The following CLSTN2 variants were observed in gnomAD, a reference collection of about 807,000 sequenced individuals.
The protein encoded by CLSTN2 is calsyntenin 2, also known as calsyntenin-2.
CLSTN2 carries 48 observed loss-of-function variants against 101.2 expected under a neutral mutation model. The observed-to-expected ratio is 0.47, with a 90% CI of 0.38 to 0.60. The LOEUF is 0.60. Among genes scored for constraint, CLSTN2 ranks in the 20% least tolerant of loss-of-function variants. CLSTN2 has a pLI of 0.00. For missense variants in CLSTN2, 1,160 were observed against 1,238.2 expected, an observed-to-expected ratio of 0.94 and a Z score of 0.95; for synonymous variants, 481 against 463.6, an observed-to-expected ratio of 1.04 and a Z score of -0.48.
intron 9 of CLSTN2, among the ~76,000 whole-genome samples, chr3:140,533,466 T>C (rs1559896669): frequency 6.6e-6 from 1 of 152,022 alleles, no homozygotes. Context: ...TCCCAGCACT[T>C]TGGGAGGCCA....
chr3:140,177,780 G>C (rs927765978), intron 2 of CLSTN2, among the ~76,000 whole-genome samples: 1 of 152,108 alleles, frequency 6.6e-6, no homozygotes, highest in East Asian at 1.9e-4. Context: ...CTGTGTGACA[G>C]AGCAAAAAAT....
chr3:140,275,778 G>T (rs1320861278), intron 2 of CLSTN2, among the ~76,000 whole-genome samples: 5 of 152,160 alleles, frequency 3.3e-5, no homozygotes, highest in Non-Finnish European at 5.9e-5. Context: ...TAGGAAAGCA[G>T]CAGAGTAACT....
At chr3:140,354,375 A>G (rs2107944921) in intron 2 of CLSTN2, among the ~76,000 whole-genome samples, 1 of 152,294 alleles carries the variant, frequency 6.6e-6, no homozygotes, top group Middle Eastern at 3.4e-3. Context: ...AATTGTAAAG[A>G]AATTCTGCAT....
At chr3:140,231,429 A>G (rs1036620971) in intron 2 of CLSTN2, among the ~76,000 whole-genome samples, 1 of 152,234 alleles carries the variant, frequency 6.6e-6, no homozygotes, top group Non-Finnish European at 1.5e-5. Context: ...CAGTGAATTA[A>G]CCATCACAAA....
chr3:140,120,083 C>T (rs1239614294), intron 1 of CLSTN2, among the ~76,000 whole-genome samples: 3 of 152,202 alleles, frequency 2.0e-5, no homozygotes, highest in Non-Finnish European at 4.4e-5. Flanking sequence ...AGCTAGGTGT[C>T]TTCCAATTCA....
At chr3:140,453,175 G>A (rs1933291783) in intron 6 of CLSTN2, 1 of 152,206 alleles carries the variant, frequency 6.6e-6, no homozygotes, top group African/African-American at 2.4e-5. Flanking sequence ...GAACCTTGGT[G>A]GTTCCTCATA....
At chr3:140,285,774 T>C (rs982867445) in intron 2 of CLSTN2, among the ~76,000 whole-genome samples, 1 of 152,164 alleles carries the variant, frequency 6.6e-6, no homozygotes, top group African/African-American at 2.4e-5. Flanking sequence ...GGCCAGAGGA[T>C]ATAAGTTGGA....
At chr3:140,087,989 G>T (rs780010418) in intron 1 of CLSTN2, among the ~76,000 whole-genome samples, 1 of 152,144 alleles carries the variant, frequency 6.6e-6, no homozygotes, top group Non-Finnish European at 1.5e-5. Context: ...AAGGAGTCTC[G>T]ATTTTAAGGA....
intron 2 of CLSTN2, among the ~76,000 whole-genome samples, chr3:140,269,362 A>G (rs2086721479): frequency 6.6e-6 from 1 of 152,242 alleles, no homozygotes; most frequent in South Asian, 2.1e-4. Flanking sequence ...TAAATTGACC[A>G]TAAACCCAGC....
intron 2 of CLSTN2, among the ~76,000 whole-genome samples, chr3:140,341,572 A>G (rs970571446): frequency 2.2e-4 from 34 of 152,184 alleles, no homozygotes; most frequent in Admixed American, 2.2e-3. Context: ...GAAGGTTTCT[A>G]TCCAGCCACC....
At chr3:140,341,203 G>T (rs77674795) in intron 2 of CLSTN2, among the ~76,000 whole-genome samples, 1 of 152,132 alleles carries the variant, frequency 6.6e-6, no homozygotes, top group Non-Finnish European at 1.5e-5. Context: ...CAAAGAGAAA[G>T]GAGCTCTTTT....
intron 2 of CLSTN2, among the ~76,000 whole-genome samples, chr3:140,330,361 C>T (rs1292161475): frequency 6.6e-6 from 1 of 152,190 alleles, no homozygotes; most frequent in Non-Finnish European, 1.5e-5. Flanking sequence ...GTTATTGCTC[C>T]TGTTGGTGGT....
chr3:140,339,173 T>C (rs998110095), intron 2 of CLSTN2, among the ~76,000 whole-genome samples: 3 of 152,188 alleles, frequency 2.0e-5, no homozygotes, highest in African/African-American at 7.2e-5. Context: ...ACCTTGTCTG[T>C]ACCATAAAGG....
At chr3:140,543,121 A>G (rs1935517969) in intron 9 of CLSTN2, among the ~76,000 whole-genome samples, 1 of 152,192 alleles carries the variant, frequency 6.6e-6, no homozygotes, top group Admixed American at 6.5e-5. Flanking sequence ...TGTTGGGTAC[A>G]TATTGTATGC....
intron 1 of CLSTN2, among the ~76,000 whole-genome samples, chr3:139,942,081 A>G (rs920540144): frequency 6.6e-6 from 1 of 152,180 alleles, no homozygotes; most frequent in South Asian, 2.1e-4. Flanking sequence ...AGGCTTACCT[A>G]TTCAGAATGA....
In CLSTN2 at chr3:140,563,071, T is replaced by C. The variant is rs749130728; in HGVS notation, c.2359-9T>C. On this transcript the variant is annotated splice_polypyrimidine_tract_variant and intron_variant, in intron 14 of 16. Transcript: ENST00000458420. The stretch of plus-strand genomic sequence containing the variant: ...CTGGGTCAATAGCACCTCTCCCCAC[T>C]CTTCCCAGGTCAGCATCCTTCATGA... 7.4e-6 allele frequency: 12 copies of C among 1,613,870 alleles called. No individual in the cohort carries two copies. In the South Asian group the frequency reaches 9.9e-5, roughly 13 times the overall value.
chr3:140,344,756 T>G (rs1366185111), intron 2 of CLSTN2, among the ~76,000 whole-genome samples: 1 of 152,190 alleles, frequency 6.6e-6, no homozygotes, highest in Non-Finnish European at 1.5e-5. Context: ...TATATTGAAT[T>G]GACCTGTCTT....
chr3:140,268,346 C>G (rs1576492332), intron 2 of CLSTN2, among the ~76,000 whole-genome samples: 1 of 152,150 alleles, frequency 6.6e-6, no homozygotes, highest in African/African-American at 2.4e-5. Flanking sequence ...TACAACACCC[C>G]CTGTTGGGCT....
In CLSTN2 at chr3:140,096,802, G is replaced by A. The variant is rs74379218; in HGVS notation, c.110-79149G>A. ...ATCTCTTCGTCTGGAATAGGAGGCT[G>A]TGCTGTGGGGAAGAAAAGATAAAAA... On this transcript the variant is annotated intron_variant, in intron 1 of 16. Transcript: ENST00000458420. 1.1e-4 allele frequency among the ~76,000 whole-genome samples: 17 copies of A among 152,352 alleles called. No individual in the cohort carries two copies. In the East Asian group the frequency reaches 3.3e-3, roughly 29 times the overall value.
Sources: allele counts gnomAD v4.1 joint callset (sites outside exome capture counted in the v4.1 genomes callset), GRCh38; gene constraint gnomAD v4.1.1; transcripts MANE v1.5; gene names NCBI Gene and HGNC (gene_info 2026-07-23, HGNC 2026-07-21).